PKD2L2: variants seen among roughly 807,000 people sequenced by gnomAD.
PKD2L2 encodes polycystin 2 like 2, transient receptor potential cation channel.
In PKD2L2, 67 loss-of-function variants were observed where a neutral mutation model predicts 83.9. The ratio of observed to expected loss-of-function variants is 0.80; its 90% confidence interval spans 0.66 to 0.98. The LOEUF (loss-of-function observed/expected upper bound fraction) is 0.98, where lower values mean the gene tolerates loss of function less well. PKD2L2 is among the 50% of genes least tolerant of loss of function. PKD2L2 has a pLI of 0.00. For synonymous variants in PKD2L2, 223 were observed against 237.8 expected (o/e 0.94, Z 0.57); for missense variants, 632 against 717.2 (o/e 0.88, Z 1.36).
chr5:137,901,752 G>C (rs1347986237), intron 5 of PKD2L2, among the ~76,000 whole-genome samples: 1 of 152,136 alleles, frequency 6.6e-6, no homozygotes, highest in Non-Finnish European at 1.5e-5. Context: ...GACTTTTAAG[G>C]CTCATAACAC....
At chr5:137,934,865 AGAGT>A (rs889166935) in intron 12 of PKD2L2, among the ~76,000 whole-genome samples, 13 of 152,282 alleles carry the variant, frequency 8.5e-5, no homozygotes, top group African/African-American at 2.2e-4. Context: ...CCTGGGTGAC[AGAGT>A]GAGACTGTCA....
chr5:137,938,274 CTT>C (rs1760724905), intron 14 of PKD2L2: 1 of 152,354 alleles, frequency 6.6e-6, no homozygotes, highest in Non-Finnish European at 1.5e-5. Flanking sequence ...AGACCACTGA[CTT>C]ATAAAAATAT....
At chr5:137,903,743 A>ATTTTTTAT (rs1400284475) in intron 5 of PKD2L2, among the ~76,000 whole-genome samples, 1 of 152,118 alleles carries the variant, frequency 6.6e-6, no homozygotes, top group African/African-American at 2.4e-5. Context: ...GTAGAACTAC[A>ATTTTTTAT]TTTTTTATTT....
At chr5:137,914,596 C>T (rs1758158054) in intron 8 of PKD2L2, among the ~76,000 whole-genome samples, 1 of 152,144 alleles carries the variant, frequency 6.6e-6, no homozygotes, top group African/African-American at 2.4e-5. Context: ...ATTACTGCTT[C>T]CTTTCCAGTG....
At chr5:137,910,917 C>A (rs183338892) in intron 8 of PKD2L2, among the ~76,000 whole-genome samples, 5 of 152,058 alleles carry the variant, frequency 3.3e-5, no homozygotes, top group Non-Finnish European at 7.3e-5. Context: ...AAGCTATTTG[C>A]CCTGAAGGCA....
chr5:137,942,104 A>G, intron 14 of PKD2L2: 1 of 1,413,312 alleles, frequency 7.1e-7, no homozygotes, highest in South Asian at 1.2e-5. Context: ...TTCTTAAGAG[A>G]GGTTCTATTT....
intron 8 of PKD2L2, among the ~76,000 whole-genome samples, chr5:137,909,633 C>T (rs1757651818): frequency 6.7e-6 from 1 of 149,112 alleles, no homozygotes; most frequent in Admixed American, 6.8e-5. Context: ...CATCCTAAAA[C>T]TCCTGGGCTC....
intron 14 of PKD2L2, among the ~76,000 whole-genome samples, 173 bp from the exon 15 acceptor site, chr5:137,942,211 G>A (rs1762065625): frequency 6.6e-6 from 1 of 152,216 alleles, no homozygotes; most frequent in Non-Finnish European, 1.5e-5. Flanking sequence ...AAGGACTCAA[G>A]CATCAGTACT....
chr5:137,928,819 C>G (rs1759599914), intron 12 of PKD2L2, among the ~76,000 whole-genome samples: 1 of 152,236 alleles, frequency 6.6e-6, no homozygotes, highest in Non-Finnish European at 1.5e-5. Flanking sequence ...ATCCTCCCGC[C>G]TTGGCCTCTG....
At chr5:137,889,752 G>T (rs1755780096) in intron 1 of PKD2L2, among the ~76,000 whole-genome samples, 2 of 152,150 alleles carry the variant, frequency 1.3e-5, no homozygotes, top group Non-Finnish European at 2.9e-5. Flanking sequence ...GGCTCGAGCT[G>T]GGCGTTGTCA....
At chr5:137,891,337 A>G (rs1256821669) in intron 2 of PKD2L2, among the ~76,000 whole-genome samples, 1 of 152,000 alleles carries the variant, frequency 6.6e-6, no homozygotes, top group Non-Finnish European at 1.5e-5. Flanking sequence ...GTGGTGGCAC[A>G]CCCCTGTAGT....
intron 3 of PKD2L2, among the ~76,000 whole-genome samples, chr5:137,893,020 G>A (rs1204864178): frequency 6.6e-6 from 1 of 152,040 alleles, no homozygotes; most frequent in East Asian, 1.9e-4. Flanking sequence ...AGTGAGCCAA[G>A]ATCATGCCAT....
intron 1 of PKD2L2, 41 bp downstream of exon 1, chr5:137,889,563 T>G: frequency 6.6e-7 from 1 of 1,507,238 alleles, no homozygotes; most frequent in Non-Finnish European, 8.8e-7. Context: ...CAGGGGCGAT[T>G]TGGCAGTTCC....
intron 12 of PKD2L2, among the ~76,000 whole-genome samples, chr5:137,933,963 A>G (rs1760093664): frequency 6.6e-6 from 1 of 152,190 alleles, no homozygotes; most frequent in South Asian, 2.1e-4. Context: ...GAAGCATGCA[A>G]TCTATGAGGG....
chr5:137,923,464 A>AT lies in PKD2L2; in HGVS notation c.1494_1495insT (p.Ala499CysfsTer2). 1 of 1,568,128 alleles carries AT rather than the reference A, an allele frequency of 6.4e-7. No homozygotes were observed. The highest frequency in any genetic ancestry group is 2.2e-5 in the East Asian group (1 of 44,680). On this transcript the variant is annotated frameshift_variant, in exon 10 of 15. Transcript: ENST00000508883. LOFTEE classifies it high-confidence loss of function. ...TTAATGATACCTATTCTGAAGTGAA[A>AT]GCTGACTATTCAATAGGCAGAAGGC...
chr5:137,898,098 G>T (rs1158955093), intron 4 of PKD2L2, among the ~76,000 whole-genome samples: 2 of 151,786 alleles, frequency 1.3e-5, no homozygotes, highest in Non-Finnish European at 2.9e-5. Context: ...TCCCAAATAG[G>T]TGGTATAACA....
intron 2 of PKD2L2, among the ~76,000 whole-genome samples, chr5:137,891,730 T>G (rs1345951957): frequency 1.3e-5 from 2 of 152,034 alleles, no homozygotes; most frequent in Non-Finnish European, 2.9e-5. Flanking sequence ...AGTCTCGCTC[T>G]GTCACCCAGG....
At chr5:137,896,921 G>T (rs1314876154) in intron 4 of PKD2L2, among the ~76,000 whole-genome samples, 1 of 143,604 alleles carries the variant, frequency 7.0e-6, no homozygotes, top group African/African-American at 2.5e-5. Flanking sequence ...ATTAATCATT[G>T]CTGGGTTTTT....
At chr5:137,915,253 G>T (rs977181882) in intron 8 of PKD2L2, among the ~76,000 whole-genome samples, 1 of 152,060 alleles carries the variant, frequency 6.6e-6, no homozygotes, top group Non-Finnish European at 1.5e-5. Flanking sequence ...GGTAATGCTG[G>T]CCATGTAAAA....
Sources: gnomAD v4.1 joint callset for allele counts (sites outside exome capture counted in the v4.1 genomes callset) on GRCh38, gnomAD v4.1.1 for gene constraint, MANE v1.5 for transcripts, NCBI Gene and HGNC (gene_info 2026-07-23, HGNC 2026-07-21) for gene names.